Variants in PHACTR3 observed in about 807,000 individuals in gnomAD.
PHACTR3 encodes protein phosphatase 1, regulatory subunit 123.
Under a neutral mutation model 66.8 loss-of-function variants are expected in PHACTR3, and 16 were observed. The observed-to-expected ratio is 0.24, with a 90% CI of 0.16 to 0.36. The LOEUF (loss-of-function observed/expected upper bound fraction) is 0.36. Among genes scored for constraint, PHACTR3 ranks in the 10% least tolerant of loss-of-function variants. The pLI, the probability that PHACTR3 is intolerant of heterozygous loss-of-function variation, is 1.00. For synonymous variants in PHACTR3, 323 were observed against 292.1 expected (o/e 1.11, Z -1.08); for missense variants, 647 against 719.9 (o/e 0.90, Z 1.16).
chr20:59,750,919 G>A (rs144563109), intron 3 of PHACTR3, among the ~76,000 whole-genome samples: 5 of 152,326 alleles, frequency 3.3e-5, no homozygotes, highest in East Asian at 1.9e-4. Context: ...CGCAGTTTCC[G>A]TCCTGCACTA....
chr20:59,725,429 A>T (rs187760636), intron 1 of PHACTR3, among the ~76,000 whole-genome samples: 5 of 151,734 alleles, frequency 3.3e-5, no homozygotes, highest in Non-Finnish European at 7.4e-5. Flanking sequence ...GTGTGAGCTC[A>T]GGTGGGCTGT....
At chr20:59,703,697 G>A (rs183576052) in intron 1 of PHACTR3, among the ~76,000 whole-genome samples, 1 of 147,206 alleles carries the variant, frequency 6.8e-6, no homozygotes, top group Admixed American at 6.6e-5. Flanking sequence ...TGGGGTGTGT[G>A]TGTGTGAGTG....
At chr20:59,752,997 T>C (rs558846435) in intron 3 of PHACTR3, among the ~76,000 whole-genome samples, 19 of 152,318 alleles carry the variant, frequency 1.2e-4, no homozygotes, top group African/African-American at 4.3e-4. Context: ...TTTTCAGCTT[T>C]GTGACCTCTA....
intron 1 of PHACTR3, among the ~76,000 whole-genome samples, chr20:59,584,445 C>T (rs188882827): frequency 2.0e-5 from 3 of 151,454 alleles, no homozygotes; most frequent in Admixed American, 2.0e-4. Flanking sequence ...GGTGTGAAGC[C>T]GTGCAGGAGT....
chr20:59,756,484 G>A (rs570838038), intron 4 of PHACTR3, among the ~76,000 whole-genome samples: 262 of 152,248 alleles, frequency 1.7e-3, no homozygotes, highest in African/African-American at 6.0e-3. Flanking sequence ...CCCCTGCAGC[G>A]CTAGCGGCAC....
intron 12 of PHACTR3, among the ~76,000 whole-genome samples, chr20:59,846,654 A>G (rs1406038799): frequency 5.6e-4 from 85 of 152,304 alleles, no homozygotes; most frequent in African/African-American, 1.9e-3. Flanking sequence ...TCTAATACTT[A>G]AAATGTGGTA....
At position 59,774,313 on chromosome 20, in the gene PHACTR3, G is replaced by A. The variant is rs148881167; in HGVS notation, c.997G>A (p.Val333Met). The A allele has an allele frequency of 1.5e-4, 242 of 1,614,034 alleles. No homozygotes were observed. Among genetic ancestry groups the A allele is most frequent in the Non-Finnish European group, 1.9e-4 (226 of 1,180,026 alleles). The change falls in exon 7 of 13, where the codon GTG becomes ATG. Residue 333 changes from valine to methionine, a missense_variant. This residue lies in a region of PHACTR3 where 577 missense variants were observed against 571.1 expected (regional missense o/e 1.01). Transcript: ENST00000371015. ...TGTCCGTCTGTCGAGAACGTCCAGC[G>A]TGGAGCGGGGCAAGGAGAGGGAGGA... Reference protein sequence around the residue: ...LDVRLSRTSSVERGKEREEAW... With the variant: ...LDVRLSRTSSMERGKEREEAW...
chr20:59,745,209 GC>G (rs1348779902), intron 2 of PHACTR3, among the ~76,000 whole-genome samples: 1 of 152,240 alleles, frequency 6.6e-6, no homozygotes, highest in Non-Finnish European at 1.5e-5. Flanking sequence ...CGAAAAGGCA[GC>G]GAGCTGGGGA....
intron 11 of PHACTR3, chr20:59,843,942 A>G (rs2059108277): frequency 6.6e-6 from 1 of 152,134 alleles, no homozygotes; most frequent in Non-Finnish European, 1.5e-5. Flanking sequence ...AGGGACTAAT[A>G]TCCAGAATAT....
intron 8 of PHACTR3, among the ~76,000 whole-genome samples, chr20:59,831,759 C>T (rs760541530): frequency 3.2e-4 from 48 of 152,350 alleles, no homozygotes; most frequent in Middle Eastern, 3.4e-3. Flanking sequence ...GGCATCCCTG[C>T]CCCAGCCAGG....
chr20:59,759,587 G>T (rs916075101), intron 4 of PHACTR3, among the ~76,000 whole-genome samples: 1 of 152,148 alleles, frequency 6.6e-6, no homozygotes, highest in Admixed American at 6.5e-5. Context: ...TCTGCTTTGG[G>T]CCCCAGTATT....
rs117120480 is a variant in PHACTR3 at position 59,662,525 on chromosome 20, G to A, written c.118+57393G>A. 1.8e-4 allele frequency among the ~76,000 whole-genome samples: 27 copies of A among 152,296 alleles called. 1 individual carries two copies. The East Asian group carries it at 4.5e-3, about 25-fold the overall frequency. On this transcript the variant is annotated intron_variant, in intron 1 of 12. Transcript: ENST00000371015. ...AGGTGGGGAAGGGGGAAGCATGCAC[G>A]TTGCTAATGGAGACAGCACGTCTCA... is the stretch of plus-strand genomic sequence containing the variant.
At chr20:59,656,375 CTCTT>C (rs2146463315) in intron 1 of PHACTR3, among the ~76,000 whole-genome samples, 1 of 151,878 alleles carries the variant, frequency 6.6e-6, no homozygotes, top group African/African-American at 2.4e-5. Context: ...GATGGATTGA[CTCTT>C]TCATCACTGT....
At chr20:59,723,692 G>C (rs987681963) in intron 1 of PHACTR3, among the ~76,000 whole-genome samples, 2 of 152,000 alleles carry the variant, frequency 1.3e-5, no homozygotes, top group Non-Finnish European at 2.9e-5. Flanking sequence ...CGGTGACTCG[G>C]TCATTGGGGT....
chr20:59,578,127 G>A (rs1192135217), intron 1 of PHACTR3, among the ~76,000 whole-genome samples: 1 of 152,244 alleles, frequency 6.6e-6, no homozygotes, highest in Non-Finnish European at 1.5e-5. Flanking sequence ...CCCCCTGCTG[G>A]GCAGACACCT....
intron 1 of PHACTR3, among the ~76,000 whole-genome samples, chr20:59,695,942 A>C (rs1044977756): frequency 2.6e-5 from 4 of 152,074 alleles, no homozygotes; most frequent in Non-Finnish European, 1.5e-5. Context: ...CATGTTGGCC[A>C]GGCTGGTCTC....
intron 2 of PHACTR3, among the ~76,000 whole-genome samples, chr20:59,745,499 A>G (rs1198764923): frequency 6.6e-6 from 1 of 152,250 alleles, no homozygotes; most frequent in Admixed American, 6.5e-5. Context: ...GGGCATCTGG[A>G]AATTCGAGGA....
intron 2 of PHACTR3, among the ~76,000 whole-genome samples, chr20:59,746,815 G>T (rs2039389701): frequency 6.6e-6 from 1 of 152,206 alleles, no homozygotes; most frequent in South Asian, 2.1e-4. Context: ...AGCAGGGCGG[G>T]CACTGCTTTG....
chr20:59,821,535 C>T (rs996315845), intron 8 of PHACTR3, among the ~76,000 whole-genome samples: 6 of 152,086 alleles, frequency 3.9e-5, no homozygotes, highest in Non-Finnish European at 5.9e-5. Context: ...CTCATGTGGC[C>T]GTGGTCAGCT....
Sources: allele counts gnomAD v4.1 joint callset (sites outside exome capture counted in the v4.1 genomes callset), GRCh38; gene constraint gnomAD v4.1.1; regional missense constraint gnomAD v4.1.1; transcripts MANE v1.5; gene names NCBI Gene and HGNC (gene_info 2026-07-23, HGNC 2026-07-21).